The following RAP1GAP variants were observed in gnomAD, a reference collection of about 807,000 sequenced individuals.
RAP1GAP encodes RAP1 GTPase activating protein, also known as rap1 GTPase-activating protein 1.
RAP1GAP carries 35 observed loss-of-function variants against 87.2 expected under a neutral mutation model. That is an observed-to-expected ratio of 0.40 (90% CI 0.31 to 0.53). The LOEUF is 0.53. RAP1GAP is among the 20% of genes least tolerant of loss of function. The pLI, the probability that RAP1GAP is intolerant of heterozygous loss-of-function variation, is 0.48. For synonymous variants in RAP1GAP, 375 were observed against 363.9 expected, an observed-to-expected ratio of 1.03 and a Z score of -0.35; for missense variants, 734 against 898.9, an observed-to-expected ratio of 0.82 and a Z score of 2.35.
rs776859702 is a variant in RAP1GAP, at chr1:21,610,128, G to A, written c.991C>T (p.Leu331Phe). Residue 331 changes from leucine (L) to phenylalanine (F), a missense_variant, in exon 14 of 25, where the codon CTC (leucine) becomes TTC (phenylalanine). By Grantham distance (22) the Leu-to-Phe change is conservative. This residue lies in a region of RAP1GAP where 485 missense variants were observed against 646.2 expected (regional missense o/e 0.75). Coordinates refer to ENST00000374765, the MANE Select transcript of RAP1GAP (RefSeq NM_002885.4). The stretch of plus-strand genomic sequence containing the variant: ...GCTCCAAGAGCGCCCACCTTGTAGA[G>A]GGGGCCATCAGGGCCCCCGCCCTCA... ...QAEGGGPDGPLYKVSVTARDD... is the reference protein window; with the variant it reads ...QAEGGGPDGPFYKVSVTARDD... 1.4e-5 allele frequency: 22 copies of A among 1,613,854 alleles called. No individual in the cohort carries two copies. The highest frequency in any genetic ancestry group is 1.7e-5 in the Non-Finnish European group (20 of 1,179,926).
intron 2 of RAP1GAP, among the ~76,000 whole-genome samples, chr1:21,628,427 A>C (rs915664462): frequency 7.2e-6 from 1 of 139,334 alleles, no homozygotes; most frequent in African/African-American, 2.5e-5. Context: ...AAAAAAAAAA[A>C]AAAAAATACA....
chr1:21,618,874 G>T, intron 5 of RAP1GAP, 151 bp downstream of exon 5: 1 of 859,674 alleles, frequency 1.2e-6, no homozygotes, highest in Non-Finnish European at 1.8e-6. Flanking sequence ...CCTGCTAGAA[G>T]CTGTGCCTCC....
intron 2 of RAP1GAP, among the ~76,000 whole-genome samples, chr1:21,636,679 C>T (rs894884797): frequency 1.3e-4 from 19 of 151,636 alleles, no homozygotes; most frequent in Admixed American, 2.6e-4. Context: ...TGGTAGCGCA[C>T]GCCTGTAATC....
At chr1:21,606,625 G>C (rs1290721645) in intron 17 of RAP1GAP, among the ~76,000 whole-genome samples, 2 of 152,140 alleles carry the variant, frequency 1.3e-5, no homozygotes, top group Non-Finnish European at 2.9e-5. Flanking sequence ...TCCTGTTAGG[G>C]CCTCTTAGAG....
At chr1:21,657,606 C>G (rs1444895954) in intron 1 of RAP1GAP, among the ~76,000 whole-genome samples, 1 of 152,222 alleles carries the variant, frequency 6.6e-6, no homozygotes, top group East Asian at 1.9e-4. Flanking sequence ...CGGCCAGCCC[C>G]CATCTCCTAC....
In RAP1GAP at chr1:21,606,206, G is replaced by T. The variant is rs370754972; in HGVS notation, c.1297-9C>A. The T allele has an allele frequency of 1.3e-6, 2 of 1,574,850 alleles. No individual in the cohort carries two copies. Among genetic ancestry groups the T allele is most frequent in the Non-Finnish European group, 1.7e-6 (2 of 1,162,048 alleles). On this transcript the variant is annotated splice_polypyrimidine_tract_variant and intron_variant, in intron 17 of 24. Coordinates refer to ENST00000374765, the MANE Select transcript of RAP1GAP (RefSeq NM_002885.4). Reference sequence around the variant, plus strand: ...CGGCTCCGGATGACCCGCTGTGAAGGGGGTGGCAGTGGAGGAGGCACAGGA... The same window carrying T: ...CGGCTCCGGATGACCCGCTGTGAAGTGGGTGGCAGTGGAGGAGGCACAGGA...
chr1:21,619,249 C>T (rs991818371), intron 4 of RAP1GAP, among the ~76,000 whole-genome samples, 177 bp from the exon 5 acceptor site: 13 of 152,084 alleles, frequency 8.5e-5, no homozygotes, highest in Non-Finnish European at 1.6e-4. Flanking sequence ...CTGGCTGTCC[C>T]GGTAGTGACC....
At chr1:21,627,269 G>A (rs544268289) in intron 2 of RAP1GAP, among the ~76,000 whole-genome samples, 17 of 152,294 alleles carry the variant, frequency 1.1e-4, no homozygotes, top group Non-Finnish European at 2.4e-4. Flanking sequence ...CTGGTCCCTC[G>A]AGGGTGACTC....
At position 21,598,090 on chromosome 1, in the gene RAP1GAP, A is replaced by C; in HGVS notation, c.1880-26T>G. On this transcript the variant is annotated intron_variant, in intron 22 of 24. Transcript: ENST00000374765. The stretch of plus-strand genomic sequence containing the variant: ...CTGGGGAGGGGGGCAGGAGGGAGCC[A>C]CCTCACTGGCCGCGGGGAGGCACCA... 2 of 1,437,448 alleles carry C rather than the reference A, an allele frequency of 1.4e-6. 1 individual carries two copies. The highest frequency in any genetic ancestry group is 2.6e-5 in the South Asian group (2 of 75,904). 89.0% of individuals were successfully genotyped at this position (1,437,448 alleles called of 1,614,324 possible).
chr1:21,598,296 C>G (rs1243191460), intron 22 of RAP1GAP, 104 bp downstream of exon 22: 1 of 1,097,912 alleles, frequency 9.1e-7, no homozygotes, highest in Non-Finnish European at 1.4e-6. Flanking sequence ...CAGGGGCAGT[C>G]ACATCACATC....
At chr1:21,649,882 C>A in intron 1 of RAP1GAP, 86 bp from the exon 2 acceptor site, 1 of 1,364,094 alleles carries the variant, frequency 7.3e-7, no homozygotes, top group East Asian at 2.5e-5. Context: ...CTGCACTGCA[C>A]CACCCTCCCA....
chr1:21,612,196 C>A (rs1186132200), intron 10 of RAP1GAP, 87 bp from the exon 11 acceptor site: 1 of 960,008 alleles, frequency 1.0e-6, no homozygotes. Flanking sequence ...CTGAGCCAGG[C>A]GCTCTACACA....
intron 5 of RAP1GAP, among the ~76,000 whole-genome samples, chr1:21,618,680 C>T (rs1284045263): frequency 6.6e-6 from 1 of 152,164 alleles, no homozygotes; most frequent in African/African-American, 2.4e-5. Context: ...TCAGGGAAAA[C>T]ATTTGGCAGC....
chr1:21,653,716 G>A (rs570169282), intron 1 of RAP1GAP, among the ~76,000 whole-genome samples: 8 of 152,066 alleles, frequency 5.3e-5, no homozygotes, highest in South Asian at 2.1e-4. Context: ...GGTGGGAGGC[G>A]GTTGGGGCAG....
At chr1:21,598,097 T>C in intron 22 of RAP1GAP, 33 bp from the exon 23 acceptor site, 3 of 1,384,684 alleles carry the variant, frequency 2.2e-6, no homozygotes, top group Non-Finnish European at 2.9e-6. Flanking sequence ...GCCACCTCAC[T>C]GGCCGCGGGG....
At chr1:21,636,365 C>G (rs1169044729) in intron 2 of RAP1GAP, among the ~76,000 whole-genome samples, 1 of 152,248 alleles carries the variant, frequency 6.6e-6, no homozygotes, top group Non-Finnish European at 1.5e-5. Context: ...GTGTAAAGTG[C>G]TTAACATTCA....
Position 21,610,361 on chromosome 1 carries a change from G to A in RAP1GAP, c.844-86C>T, listed in dbSNP as rs567228485. Reference sequence around the variant, plus strand: ...TGCCCACGGGGGTTTAGGAGGGTTTGGGGTAGTCAGAGGGCACATCTAAGG... The same window carrying A: ...TGCCCACGGGGGTTTAGGAGGGTTTAGGGTAGTCAGAGGGCACATCTAAGG... On this transcript the variant is annotated intron_variant, in intron 13 of 24. Transcript: ENST00000374765. The A allele has an allele frequency of 8.3e-6, 12 of 1,447,544 alleles. No individual in the cohort carries two copies. The East Asian group carries it at 2.1e-4, about 25-fold the overall frequency. 89.7% of individuals were successfully genotyped at this position (1,447,544 alleles called of 1,614,324 possible). A position where few individuals can be genotyped will look rare whatever the true frequency, so the allele number is the denominator to read the frequency against.
chr1:21,644,594 C>T (rs1342312780), intron 2 of RAP1GAP, among the ~76,000 whole-genome samples: 1 of 152,148 alleles, frequency 6.6e-6, no homozygotes, highest in African/African-American at 2.4e-5. Flanking sequence ...AGCATGTAAC[C>T]TTGCTTTGAA....
chr1:21,607,258 T>G (rs2075285607), intron 17 of RAP1GAP, among the ~76,000 whole-genome samples: 1 of 152,202 alleles, frequency 6.6e-6, no homozygotes, highest in South Asian at 2.1e-4. Flanking sequence ...CACTTCTCAT[T>G]TCAGACAACA....
Sources: gnomAD v4.1 joint callset for allele counts (sites outside exome capture counted in the v4.1 genomes callset) on GRCh38, gnomAD v4.1.1 for gene constraint, gnomAD v4.1.1 regional missense constraint, MANE v1.5 for transcripts, NCBI Gene and HGNC (gene_info 2026-07-23, HGNC 2026-07-21) for gene names.